DDB1: variants seen among roughly 807,000 people sequenced by gnomAD.
DDB1 encodes the protein damage specific DNA binding protein 1.
A neutral mutation model predicts 133.1 loss-of-function variants in DDB1; 18 were observed. The ratio of observed to expected loss-of-function variants is 0.14; its 90% CI spans 0.09 to 0.20. The LOEUF is 0.20. DDB1 is among the 10% of genes least tolerant of loss of function. DDB1 has a pLI of 1.00. For synonymous variants in DDB1, 580 were observed against 550.5 expected (o/e 1.05, Z -0.75); for missense variants, 828 against 1,459.2 (o/e 0.57, Z 7.05).
chr11:61,322,262 T>C, intron 9 of DDB1, 34 bp downstream of exon 9: 1 of 1,531,222 alleles, frequency 6.5e-7, no homozygotes, highest in African/African-American at 1.4e-5. Flanking sequence ...TGAGTGGGCA[T>C]ATACCAACTA....
chr11:61,308,931 T>C, intron 21 of DDB1, 52 bp downstream of exon 21: 1 of 1,565,838 alleles, frequency 6.4e-7, no homozygotes, highest in Non-Finnish European at 8.8e-7. Flanking sequence ...AGACACATTC[T>C]GCAGACAATG....
At chr11:61,321,422 T>A in intron 10 of DDB1, 173 bp downstream of exon 10, 12 of 434,660 alleles carry the variant, frequency 2.8e-5, no homozygotes, top group South Asian at 4.1e-5. Context: ...TTTTTTTTTC[T>A]AAAGTTTACT....
At chr11:61,332,179 A>G (rs1249743324) in intron 1 of DDB1, 1 of 157,126 alleles carries the variant, frequency 6.4e-6, no homozygotes. Flanking sequence ...CAGTCTACCA[A>G]TACCTCCATC....
At chr11:61,331,737 C>T in intron 1 of DDB1, 46 bp from the exon 2 acceptor site, 1 of 1,609,456 alleles carries the variant, frequency 6.2e-7, no homozygotes, top group South Asian at 1.1e-5. Context: ...GGAAGGGCCT[C>T]CCATCCCTTC....
At chr11:61,315,213 ATTAT>A (rs1565033416) in intron 12 of DDB1, 1 of 152,224 alleles carries the variant, frequency 6.6e-6, no homozygotes, top group Non-Finnish European at 1.5e-5. Flanking sequence ...AGCCATTTAA[ATTAT>A]TTAAAGTTCC....
At chr11:61,330,998 G>A (rs1856357552) in intron 2 of DDB1, among the ~76,000 whole-genome samples, 1 of 152,090 alleles carries the variant, frequency 6.6e-6, no homozygotes, top group African/African-American at 2.4e-5. Flanking sequence ...TATATGATAG[G>A]CCCTATGTTA....
chr11:61,303,248 GC>G, intron 22 of DDB1, 93 bp from the exon 23 acceptor site: 1 of 1,098,594 alleles, frequency 9.1e-7, no homozygotes, highest in Non-Finnish European at 1.4e-6. Flanking sequence ...CAGGAGCAAG[GC>G]CCCACCCTGC....
At chr11:61,327,548 C>T (rs1856290356) in intron 4 of DDB1, 1 of 152,200 alleles carries the variant, frequency 6.6e-6, no homozygotes, top group South Asian at 2.1e-4. Flanking sequence ...TAAGCTACAC[C>T]TATGAGATTT....
chr11:61,314,634 T>C (rs1333325195), intron 12 of DDB1, 148 bp from the exon 13 acceptor site: 1 of 779,540 alleles, frequency 1.3e-6, no homozygotes, highest in African/African-American at 1.8e-5. Flanking sequence ...CTGCTAATGA[T>C]TACAATAGAT....
intron 21 of DDB1, among the ~76,000 whole-genome samples, chr11:61,307,533 A>G (rs1439982302): frequency 2.0e-5 from 3 of 152,058 alleles, no homozygotes; most frequent in Non-Finnish European, 1.5e-5. Flanking sequence ...TCTTCACCCT[A>G]TCTCTGAAAT....
Position 61,303,840 on chromosome 11 carries a change from GC to G in DDB1, c.2832+24del, listed in dbSNP as rs1565238646. On this transcript the variant is annotated intron_variant, in intron 22 of 26. Transcript: ENST00000301764. ...GGGCGGTGGCTCAAGCAAGAAGTCTGCTCGCATCCCCCCACCAGCATCACCT... is the reference window on the plus strand; with the variant it reads ...GGGCGGTGGCTCAAGCAAGAAGTCTGTCGCATCCCCCCACCAGCATCACCT... 2.5e-6 allele frequency: 4 copies of G among 1,612,150 alleles called. No homozygotes were observed. In the Admixed American group the frequency reaches 6.7e-5, roughly 27 times the overall value.
chr11:61,308,491 T>C (rs762490648), intron 21 of DDB1, among the ~76,000 whole-genome samples: 13 of 152,346 alleles, frequency 8.5e-5, no homozygotes, highest in South Asian at 4.1e-4. Flanking sequence ...GGGCAGCTCA[T>C]TGTCCATTTT....
At chr11:61,316,421 GC>G in intron 11 of DDB1, 28 bp from the exon 12 acceptor site, 1 of 1,613,520 alleles carries the variant, frequency 6.2e-7, no homozygotes, top group Non-Finnish European at 8.5e-7. Flanking sequence ...GCCTGGGTCA[GC>G]CTGGGACCAG....
At position 61,316,412 on chromosome 11, in the gene DDB1, C is replaced by A; in HGVS notation, c.1302-19G>T. ...GAGAACTCTGCAGCAGAATGGAGGG[C>A]CTGGGTCAGCCTGGGACCAGCTTCC... On this transcript the variant is annotated intron_variant, in intron 11 of 26. Coordinates refer to ENST00000301764, the MANE Select transcript of DDB1 (RefSeq NM_001923.5). 1 of 1,613,298 alleles carries A rather than the reference C, an allele frequency of 6.2e-7. No homozygotes were observed. Among genetic ancestry groups the A allele is most frequent in the South Asian group, 1.1e-5 (1 of 91,068 alleles).
chr11:61,328,322 G>A (rs746881948), intron 4 of DDB1, among the ~76,000 whole-genome samples: 2 of 152,254 alleles, frequency 1.3e-5, no homozygotes, highest in Admixed American at 6.5e-5. Context: ...ATATAACAAG[G>A]CTATCAAACT....
Position 61,330,015 on chromosome 11 carries a change from C to G in DDB1, c.270G>C (p.Glu90Asp), listed in dbSNP as rs758507439. ...LTAKYNACIL[E>D]YKQSGESIDI... is the part of the protein sequence containing the mutation. ...CAATGCTCTCGCCACTCTGTTTATA[C>G]TCCAGGATGCAGGCATTGTACTTCG... Residue 90 changes from glutamate (E) to aspartate (D), a missense_variant, in exon 3 of 27, where the codon GAG (glutamate) becomes GAC (aspartate). Glu to Asp is a conservative substitution (Grantham distance 45). Coordinates refer to ENST00000301764, the MANE Select transcript of DDB1 (RefSeq NM_001923.5). 1 of 1,614,098 alleles carries G rather than the reference C, an allele frequency of 6.2e-7. No homozygotes were observed. The highest frequency in any genetic ancestry group is 1.7e-5 in the Admixed American group (1 of 60,028).
rs189560336 is a variant in DDB1 at position 61,326,898 on chromosome 11, G to C, written c.550-5C>G. ...TACGTGCCGCCCCTGAGGGTCCTGG[G>C]GGGGAAAGGTAAAATGGTTAGCCCT... is the stretch of plus-strand genomic sequence containing the variant. On this transcript the variant is annotated splice_polypyrimidine_tract_variant and splice_region_variant and intron_variant, in intron 4 of 26. Transcript: ENST00000301764. 54 of 1,610,684 alleles carry C rather than the reference G, an allele frequency of 3.4e-5. No homozygotes were observed. Among genetic ancestry groups the C allele is most frequent in the African/African-American group, 6.7e-5 (5 of 74,932 alleles).
In DDB1 at chr11:61,312,080, C is replaced by A; in HGVS notation, c.2074G>T (p.Ala692Ser). The change falls in exon 17 of 27, where the codon GCG (alanine) becomes TCG (serine). Residue 692 changes from alanine (A) to serine (S), a missense_variant. Ala to Ser is a moderately conservative substitution (Grantham distance 99). Coordinates refer to ENST00000301764, the MANE Select transcript of DDB1 (RefSeq NM_001923.5). ...GTGAGGGTGCTATTGTTGGCCAGCG[C>A]CAGGCTGGAAAGAAGGGTCTGGGTT... is the stretch of plus-strand genomic sequence containing the variant. ...LNSDGYPDSLALANNSTLTIG... is the reference protein window; with the variant it reads ...LNSDGYPDSLSLANNSTLTIG... The A allele has an allele frequency of 6.2e-7, 1 of 1,614,092 alleles. No individual in the cohort carries two copies. Among genetic ancestry groups the A allele is most frequent in the Non-Finnish European group, 8.5e-7 (1 of 1,180,008 alleles).
At chr11:61,325,565 CAAGGA>C in intron 6 of DDB1, 41 bp downstream of exon 6, 1 of 1,519,446 alleles carries the variant, frequency 6.6e-7, no homozygotes, top group South Asian at 1.2e-5. Flanking sequence ...AAGGTGAGGA[CAAGGA>C]AAGAAAAGAT....
Sources: gnomAD v4.1 joint callset for allele counts (sites outside exome capture counted in the v4.1 genomes callset) on GRCh38, gnomAD v4.1.1 for gene constraint, MANE v1.5 for transcripts, NCBI Gene and HGNC (gene_info 2026-07-23, HGNC 2026-07-21) for gene names.